The following SLC23A1 variants were observed in gnomAD, a reference collection of about 807,000 sequenced individuals.
SLC23A1 encodes the protein solute carrier family 23 member 1.
A neutral mutation model predicts 62.5 loss-of-function variants in SLC23A1; 31 were observed. The ratio of observed to expected loss-of-function variants is 0.50; its 90% CI spans 0.37 to 0.67. SLC23A1 has a LOEUF of 0.67. Ranked by LOEUF, SLC23A1 falls within the 30% of genes least tolerant of loss-of-function variation. SLC23A1 has a pLI of 0.00. For synonymous variants in SLC23A1, 271 were observed against 313.2 expected (o/e 0.87, Z 1.42); for missense variants, 640 against 782.7 (o/e 0.82, Z 2.18).
chr5:139,368,026 C>T (rs546780359), intron 14 of SLC23A1, among the ~76,000 whole-genome samples: 1 of 152,030 alleles, frequency 6.6e-6, no homozygotes, highest in African/African-American at 2.4e-5. Flanking sequence ...TGGTGAAACC[C>T]CTTCTCTACT....
rs1044351020 is a variant in SLC23A1 at position 139,379,318 on chromosome 5, A to G, written c.962T>C (p.Val321Ala). The G allele has an allele frequency of 1.2e-6, 2 of 1,614,136 alleles. No homozygotes were observed. Among genetic ancestry groups the G allele is most frequent in the Admixed American group, 3.3e-5 (2 of 60,018 alleles). The change falls in exon 9 of 15, where the codon GTC (valine) becomes GCC (alanine). Residue 321 changes from valine to alanine, a missense_variant. Val to Ala is a moderately conservative substitution (Grantham distance 64). Transcript: ENST00000348729. The surrounding 1 kb of genome is among the most constrained non-coding windows in gnomAD (Gnocchi z 4.7). ...WGLPTVTAAA[V>A]LGMFSATLAG... ...CAGAGTGGCGCTGAACATTCCCAGG[A>G]CAGCAGCCGCAGTCACCGTGGGCAG... is the stretch of plus-strand genomic sequence containing the variant.
At chr5:139,380,679 G>A in intron 4 of SLC23A1, 47 bp from the exon 5 acceptor site, 1 of 1,528,426 alleles carries the variant, frequency 6.5e-7, no homozygotes, top group Non-Finnish European at 9.1e-7. Context: ...TACAGAGACA[G>A]AGAGGGAGAG....
chr5:139,373,111 A>G (rs1757766047), intron 13 of SLC23A1, among the ~76,000 whole-genome samples: 1 of 152,062 alleles, frequency 6.6e-6, no homozygotes, highest in Non-Finnish European at 1.5e-5. Context: ...CAGAAAGTCA[A>G]GCTAAATAAA....
intron 13 of SLC23A1, among the ~76,000 whole-genome samples, chr5:139,373,400 G>C (rs528886546): frequency 6.6e-6 from 1 of 152,002 alleles, no homozygotes; most frequent in Admixed American, 6.6e-5. Flanking sequence ...CACTGGTGTC[G>C]AACTCCTGAC....
At chr5:139,368,316 G>C (rs1757421526) in intron 14 of SLC23A1, among the ~76,000 whole-genome samples, 2 of 151,932 alleles carry the variant, frequency 1.3e-5, no homozygotes, top group South Asian at 4.2e-4. Flanking sequence ...CTGCAGCCTG[G>C]GTGACAGAGT....
At chr5:139,368,566 A>T (rs1757443039) in intron 14 of SLC23A1, among the ~76,000 whole-genome samples, 1 of 151,964 alleles carries the variant, frequency 6.6e-6, no homozygotes, top group Non-Finnish European at 1.5e-5. Flanking sequence ...ATTTAATATG[A>T]TATATAGCTT....
In SLC23A1 at chr5:139,380,021, G is replaced by T; in HGVS notation, c.703C>A (p.Leu235Met). ...SQYLRNLTFL[L>M]PVYRWGKGLT... Reference sequence around the variant, plus strand: ...CCCTTGCCCCAGCGGTAGACAGGCAGCAGGAAGGTGAGGTTGCGCAGGTAC... The same window carrying T: ...CCCTTGCCCCAGCGGTAGACAGGCATCAGGAAGGTGAGGTTGCGCAGGTAC... The change falls in exon 7 of 15, where the codon CTG becomes ATG. Residue 235 changes from leucine to methionine, a missense_variant. Transcript: ENST00000348729. 6.2e-7 allele frequency: 1 copy of T among 1,614,116 alleles called. No individual in the cohort carries two copies. Among genetic ancestry groups the T allele is most frequent in the Non-Finnish European group, 8.5e-7 (1 of 1,179,996 alleles).
Position 139,380,211 on chromosome 5 carries a change from G to A in SLC23A1, c.644C>T (p.Ala215Val), listed in dbSNP as rs1030257852. The A allele has an allele frequency of 1.3e-6, 2 of 1,558,076 alleles. No homozygotes were observed. The highest frequency in any genetic ancestry group is 1.4e-5 in the African/African-American group (1 of 73,328). The stretch of plus-strand genomic sequence containing the variant: ...ATCAGGCCTGGTGCCTGCTCACCAA[G>A]CTGAGATGCCCCAGTGGGAGCCAGC... ...DRAGSHWGIS[A>V]CSILLIILFS... is the part of the protein sequence containing the mutation. Residue 215 changes from alanine to valine, a missense_variant, in exon 6 of 15, where the codon GCT becomes GTT. Physicochemically the swap from Ala to Val is moderately conservative, Grantham distance 64 (BLOSUM62 0). Coordinates refer to ENST00000348729, the MANE Select transcript of SLC23A1 (RefSeq NM_005847.5).
Position 139,379,589 on chromosome 5 carries a change from G to C in SLC23A1, c.925+89C>G. 1.6e-6 allele frequency: 2 copies of C among 1,288,700 alleles called. No homozygotes were observed. The highest frequency in any genetic ancestry group is 2.2e-6 in the Non-Finnish European group (2 of 904,776). 79.8% of individuals were successfully genotyped at this position (1,288,700 alleles called of 1,614,324 possible). On this transcript the variant is annotated intron_variant, in intron 8 of 14. Transcript: ENST00000348729. This position sits in a 1 kb window ranked among gnomAD's most constrained non-coding sequence, Gnocchi z 4.7. ...ACTATAAATGTGCGGCTAATGCTAG[G>C]TGTGTCACCTGCTGGATTGGGGTCA...
At chr5:139,375,188 GA>G (rs1757888040) in intron 13 of SLC23A1, among the ~76,000 whole-genome samples, 1 of 152,150 alleles carries the variant, frequency 6.6e-6, no homozygotes. Flanking sequence ...TGACAAAATG[GA>G]GGCCCATCAT....
upstream of SLC23A1, chr5:139,383,405 CAGAGGTAATGTATTAACTCTCA>C (rs1378116383): frequency 1.3e-5 from 19 of 1,447,444 alleles, no homozygotes; most frequent in Non-Finnish European, 1.6e-5. Flanking sequence ...GGGGCCCGGG[CAGAGGTAATGTATTAACTCTCA>C]CTAGGACAGT....
chr5:139,380,741 C>T (rs953382531), intron 4 of SLC23A1, 57 bp downstream of exon 4: 120 of 1,461,934 alleles, frequency 8.2e-5, no homozygotes, highest in Non-Finnish European at 1.1e-4. Flanking sequence ...GTTGCTCAGA[C>T]CTCCAGGTCT....
upstream of SLC23A1, chr5:139,384,547 C>T (rs1294105317): frequency 7.8e-7 from 1 of 1,288,890 alleles, no homozygotes; most frequent in Non-Finnish European, 1.0e-6. Context: ...AGTTGCTGGA[C>T]CAGTTTGAAG....
intron 12 of SLC23A1, 96 bp from the exon 13 acceptor site, chr5:139,377,593 A>G (rs902911230): frequency 1.4e-6 from 1 of 737,224 alleles, no homozygotes; most frequent in Non-Finnish European, 2.4e-6. Context: ...AAGGAACAGT[A>G]CAAAGCCCTG....
chr5:139,368,989 A>C (rs1757480122), intron 14 of SLC23A1: 1 of 488,210 alleles, frequency 2.0e-6, no homozygotes. Flanking sequence ...ACATTTACTG[A>C]AAATAGAATT....
rs1334214632 is a variant in SLC23A1, at chr5:139,379,345, C to T, written c.935G>A (p.Gly312Asp). 5.9e-5 allele frequency: 96 copies of T among 1,613,932 alleles called. No homozygotes were observed. The highest frequency in any genetic ancestry group is 7.9e-5 in the Non-Finnish European group (93 of 1,179,928). ...WIRIPYPCQW[G>D]LPTVTAAAVL... Reference sequence around the variant, plus strand: ...AGCAGCCGCAGTCACCGTGGGCAGGCCCCACTGACCTGTGCTCGGAGGGAG... The same window carrying T: ...AGCAGCCGCAGTCACCGTGGGCAGGTCCCACTGACCTGTGCTCGGAGGGAG... Residue 312 changes from glycine to aspartate, a missense_variant, in exon 9 of 15, where the codon GGC (glycine) becomes GAC (aspartate). Coordinates refer to ENST00000348729, the MANE Select transcript of SLC23A1 (RefSeq NM_005847.5). The surrounding 1 kb of genome is among the most constrained non-coding windows in gnomAD (Gnocchi z 4.7).
rs182436678 is a variant in SLC23A1, at chr5:139,382,583, G to A, written c.59C>T (p.Ser20Leu). 6 of 1,612,870 alleles carry A rather than the reference G, an allele frequency of 3.7e-6. No individual in the cohort carries two copies. The highest frequency in any genetic ancestry group is 2.2e-5 in the South Asian group (2 of 91,030). Residue 20 changes from serine to leucine, a missense_variant, in exon 2 of 15, where the codon TCG becomes TTG. Coordinates refer to ENST00000348729, the MANE Select transcript of SLC23A1 (RefSeq NM_005847.5). The part of the protein sequence containing the change: ...RTQHETTRDP[S>L]TPLPTEPKFD... ...CTTAGGCTCTGTGGGTAGCGGGGTC[G>A]AGGGGTCCCTGGTGGTTTCATGCTG...
intron 2 of SLC23A1, 189 bp downstream of exon 2, chr5:139,382,303 G>A (rs764636166): frequency 8.3e-5 from 50 of 599,986 alleles, no homozygotes; most frequent in African/African-American, 1.1e-4. Context: ...CCTGGCAAGC[G>A]TCACACTCCC....
chr5:139,378,802 C>A lies in SLC23A1; in HGVS notation c.1074-118G>T. The A allele has an allele frequency of 1.3e-6, 1 of 754,150 alleles. No homozygotes were observed. The allele number at this position is 754,150 out of a possible 1,614,324, so 46.7% of individuals were successfully genotyped here. On this transcript the variant is annotated intron_variant, in intron 9 of 14. Transcript: ENST00000348729. This position sits in a 1 kb window ranked among gnomAD's most constrained non-coding sequence, Gnocchi z 4.5. ...TGGGGGCTGCAGCTATCAGCTGTAG[C>A]ACTCCCTACTACAGGCCAGAATGCT... is the stretch of plus-strand genomic sequence containing the variant.
Sources: allele counts gnomAD v4.1 joint callset (sites outside exome capture counted in the v4.1 genomes callset), GRCh38; gene constraint gnomAD v4.1.1; non-coding constraint Gnocchi (gnomAD v3.1); transcripts MANE v1.5; gene names NCBI Gene and HGNC (gene_info 2026-07-23, HGNC 2026-07-21).